ZMAT4: variants seen among roughly 807,000 people sequenced by gnomAD.
ZMAT4 encodes the protein zinc finger matrin-type 4, also known as zinc finger matrin-type protein 4.
In ZMAT4, 17 loss-of-function variants were observed where a neutral mutation model predicts 28.7. The ratio of observed to expected loss-of-function variants is 0.59; its 90% confidence interval spans 0.41 to 0.89. The LOEUF is 0.89. ZMAT4 is among the 40% of genes least tolerant of loss of function. The pLI is 0.00. For synonymous variants in ZMAT4, 117 were observed against 109.2 expected, an observed-to-expected ratio of 1.07 and a Z score of -0.44; for missense variants, 240 against 283.8, an observed-to-expected ratio of 0.85 and a Z score of 1.11.
At chr8:40,715,065 G>C (rs1360073097) in intron 3 of ZMAT4, among the ~76,000 whole-genome samples, 1 of 67,700 alleles carries the variant, frequency 1.5e-5, no homozygotes, top group Non-Finnish European at 2.9e-5. Context: ...AAAAAAAAAA[G>C]TGTGTGAAAT....
intron 1 of ZMAT4, among the ~76,000 whole-genome samples, chr8:40,865,465 A>G (rs770632801): frequency 2.0e-5 from 3 of 152,166 alleles, no homozygotes; most frequent in Non-Finnish European, 4.4e-5. Flanking sequence ...TCCAGGCAGG[A>G]TGTGGCTTCA....
intron 6 of ZMAT4, among the ~76,000 whole-genome samples, chr8:40,561,515 G>A (rs1411489123): frequency 1.3e-5 from 2 of 152,082 alleles, no homozygotes; most frequent in South Asian, 4.1e-4. Flanking sequence ...ACTAACTCGG[G>A]TTTCAGTCTG....
At chr8:40,871,890 C>T (rs1488484011) in intron 1 of ZMAT4, among the ~76,000 whole-genome samples, 1 of 152,198 alleles carries the variant, frequency 6.6e-6, no homozygotes, top group Non-Finnish European at 1.5e-5. Context: ...AAATGAGTTT[C>T]CACTCCTAAA....
chr8:40,716,611 G>C (rs1329788329), intron 3 of ZMAT4, among the ~76,000 whole-genome samples: 1 of 152,222 alleles, frequency 6.6e-6, no homozygotes, highest in Non-Finnish European at 1.5e-5. Context: ...AGAATCGCTT[G>C]AACCTGGGAG....
intron 1 of ZMAT4, among the ~76,000 whole-genome samples, chr8:40,827,691 T>A (rs1816118995): frequency 1.3e-5 from 2 of 152,208 alleles, no homozygotes; most frequent in South Asian, 4.1e-4. Flanking sequence ...TACCACTGTG[T>A]CTCATGGTTG....
intron 3 of ZMAT4, among the ~76,000 whole-genome samples, chr8:40,742,231 G>A (rs1183117690): frequency 6.6e-6 from 1 of 151,848 alleles, no homozygotes; most frequent in African/African-American, 2.4e-5. Flanking sequence ...CTGGGTGACA[G>A]AGTGAGACCC....
At chr8:40,759,360 C>T (rs1236028639) in intron 3 of ZMAT4, among the ~76,000 whole-genome samples, 1 of 151,666 alleles carries the variant, frequency 6.6e-6, no homozygotes, top group Admixed American at 6.6e-5. Context: ...GACCTAATCC[C>T]CAGTGCGATC....
At chr8:40,738,094 G>A (rs1272101880) in intron 3 of ZMAT4, among the ~76,000 whole-genome samples, 1 of 152,118 alleles carries the variant, frequency 6.6e-6, no homozygotes, top group African/African-American at 2.4e-5. Context: ...TAAAGAATGA[G>A]TCCCAAGAAT....
intron 6 of ZMAT4, among the ~76,000 whole-genome samples, chr8:40,546,029 G>C (rs532676211): frequency 1.3e-5 from 2 of 151,502 alleles, no homozygotes; most frequent in South Asian, 4.2e-4. Context: ...CACAAAGGAA[G>C]TTACGGAGCC....
chr8:40,887,475 C>T (rs755712890), intron 1 of ZMAT4, among the ~76,000 whole-genome samples: 1 of 143,178 alleles, frequency 7.0e-6, no homozygotes, highest in Non-Finnish European at 1.5e-5. Flanking sequence ...AGCGACATAG[C>T]GAGACTTCAT....
At chr8:40,660,801 C>G (rs750126369) in intron 5 of ZMAT4, among the ~76,000 whole-genome samples, 11 of 152,164 alleles carry the variant, frequency 7.2e-5, no homozygotes, top group Non-Finnish European at 5.9e-5. Context: ...TTGTAGAGTA[C>G]TGAATGAGCT....
chr8:40,603,852 A>C (rs919076074), intron 5 of ZMAT4, among the ~76,000 whole-genome samples: 3 of 152,018 alleles, frequency 2.0e-5, no homozygotes, highest in Non-Finnish European at 2.9e-5. Context: ...GGATGGTCTC[A>C]ATCTCCTGAT....
intron 3 of ZMAT4, among the ~76,000 whole-genome samples, chr8:40,750,572 G>A (rs1350813887): frequency 2.0e-5 from 3 of 152,216 alleles, no homozygotes; most frequent in Admixed American, 2.0e-4. Context: ...TTTCAGGAAA[G>A]AGTTGAGATT....
chr8:40,885,753 A>C (rs145192183), intron 1 of ZMAT4, among the ~76,000 whole-genome samples: 3,890 of 152,314 alleles, frequency 0.026, 72 homozygotes, highest in Non-Finnish European at 0.039. Context: ...CTCCAGCTTC[A>C]GGGTCTTCTT....
chr8:40,801,218 A>G (rs892084017), intron 2 of ZMAT4, among the ~76,000 whole-genome samples: 23 of 151,476 alleles, frequency 1.5e-4, no homozygotes, highest in African/African-American at 5.1e-4. Flanking sequence ...GAGAAATTGA[A>G]TTAATAATGG....
At position 40,659,342 on chromosome 8, in the gene ZMAT4, G is replaced by A. The variant is rs556731786; in HGVS notation, c.577+15362C>T. 1.8e-3 allele frequency among the ~76,000 whole-genome samples: 275 copies of A among 152,236 alleles called. 1 individual carries two copies. The highest frequency in any genetic ancestry group is 6.1e-3 in the African/African-American group (254 of 41,564). On this transcript the variant is annotated intron_variant, in intron 5 of 6. Coordinates refer to ENST00000297737, the MANE Select transcript of ZMAT4 (RefSeq NM_024645.3). ...GAGCAAGTTTTAGGCATGAGGGAGT[G>A]CGTTGAGACACCTCCAAAGTTCCTC...
chr8:40,670,638 A>C (rs1808625089), intron 5 of ZMAT4, among the ~76,000 whole-genome samples: 1 of 152,242 alleles, frequency 6.6e-6, no homozygotes, highest in Non-Finnish European at 1.5e-5. Flanking sequence ...TCAACAAAGA[A>C]TGTGAATCCA....
At chr8:40,543,248 A>G (rs1394284201) in intron 6 of ZMAT4, among the ~76,000 whole-genome samples, 1 of 152,190 alleles carries the variant, frequency 6.6e-6, no homozygotes, top group African/African-American at 2.4e-5. Flanking sequence ...ACGTGCTGAT[A>G]GGCCACGGAA....
chr8:40,601,643 AG>A lies in ZMAT4; in HGVS notation c.578-20383del, dbSNP rs1563360869. Among the ~76,000 whole-genome samples the A allele has an allele frequency of 9.5e-4, 26 of 27,408 alleles. 1 individual carries two copies. The highest frequency in any genetic ancestry group is 4.4e-4 in the Non-Finnish European group (5 of 11,474). 18.0% of individuals were successfully genotyped at this position (27,408 alleles called of 152,430 possible). A position where few individuals can be genotyped will look rare whatever the true frequency, so the allele number is the denominator to read the frequency against. Reference sequence around the variant, plus strand: ...GAAAGAAAGAAAGAAAGAGAAAGAAAGAAAGAAAGAAAGAAAGAAAGAAAGA... The same window carrying A: ...GAAAGAAAGAAAGAAAGAGAAAGAAAAAAGAAAGAAAGAAAGAAAGAAAGA... On this transcript the variant is annotated intron_variant, in intron 5 of 6. Transcript: ENST00000297737.
Sources: allele counts gnomAD v4.1 joint callset (sites outside exome capture counted in the v4.1 genomes callset), GRCh38; gene constraint gnomAD v4.1.1; transcripts MANE v1.5; gene names NCBI Gene and HGNC (gene_info 2026-07-23, HGNC 2026-07-21).